The following PIK3CB variants were observed in gnomAD, a reference collection of about 807,000 sequenced individuals.
The protein encoded by PIK3CB is phosphatidylinositol-4,5-bisphosphate 3-kinase catalytic subunit beta, also known as phosphatidylinositol 4,5-bisphosphate 3-kinase catalytic subunit beta isoform.
PIK3CB carries 39 observed loss-of-function variants against 136.8 expected under a neutral mutation model. The observed-to-expected ratio is 0.29, with a 90% CI of 0.22 to 0.37. PIK3CB has a LOEUF of 0.37. Among genes scored for constraint, PIK3CB ranks in the 10% least tolerant of loss-of-function variants. The pLI is 1.00. For synonymous variants in PIK3CB, 428 were observed against 436.6 expected, an observed-to-expected ratio of 0.98 and a Z score of 0.25; for missense variants, 868 against 1,275.4, an observed-to-expected ratio of 0.68 and a Z score of 4.87.
intron 1 of PIK3CB, among the ~76,000 whole-genome samples, chr3:138,814,183 G>A (rs973887827): frequency 2.6e-4 from 40 of 152,110 alleles, no homozygotes; most frequent in Non-Finnish European, 5.6e-4. Flanking sequence ...GACAGTCATA[G>A]AAAGATTGAG....
chr3:138,806,081 C>T (rs1316909463), intron 1 of PIK3CB, among the ~76,000 whole-genome samples: 2 of 152,092 alleles, frequency 1.3e-5, no homozygotes, highest in Non-Finnish European at 2.9e-5. Flanking sequence ...TCAGAACTTC[C>T]TTAATTAGAT....
At chr3:138,761,916 G>A (rs1166291587) in intron 2 of PIK3CB, among the ~76,000 whole-genome samples, 4 of 150,178 alleles carry the variant, frequency 2.7e-5, no homozygotes, top group African/African-American at 9.8e-5. Context: ...CTCCAGCCTG[G>A]GCAACAGAGT....
rs376470274 is a variant in PIK3CB at position 138,762,987 on chromosome 3, T to A, written c.-16-3628A>T. Reference sequence around the variant, plus strand: ...AAAAAACAAAACAACAATAAAAAAATATATATATATACTTTGCTTATATTC... The same window carrying A: ...AAAAAACAAAACAACAATAAAAAAAAATATATATATACTTTGCTTATATTC... On this transcript the variant is annotated intron_variant, in intron 2 of 23. Coordinates refer to ENST00000674063, the MANE Select transcript of PIK3CB (RefSeq NM_006219.3). Among the ~76,000 whole-genome samples, 405 of 151,702 alleles carry A rather than the reference T, an allele frequency of 2.7e-3. 1 individual carries two copies. The highest frequency in any genetic ancestry group is 7.8e-3 in the African/African-American group (324 of 41,368).
At chr3:138,826,306 C>G in intron 1 of PIK3CB, 1 of 1,597,380 alleles carries the variant, frequency 6.3e-7, no homozygotes, top group Non-Finnish European at 8.5e-7. Flanking sequence ...CAAGTCTGCC[C>G]AGAAAGCTCA....
At position 138,831,512 on chromosome 3, in the gene PIK3CB, G is replaced by A. The variant is rs988895924; in HGVS notation, c.-122+3183C>T. ...GAGGCAGAAGAATTGTTTGAACCGG[G>A]GAGGCGGAGGTTGCAGTGAGCCAAG... On this transcript the variant is annotated intron_variant, in intron 1 of 23. Coordinates refer to ENST00000674063, the MANE Select transcript of PIK3CB (RefSeq NM_006219.3). 2.5e-4 allele frequency among the ~76,000 whole-genome samples: 38 copies of A among 151,934 alleles called. 1 individual carries two copies. The highest frequency in any genetic ancestry group is 7.2e-4 in the African/African-American group (30 of 41,392).
At chr3:138,808,092 C>T (rs571953851) in intron 1 of PIK3CB, among the ~76,000 whole-genome samples, 1 of 152,012 alleles carries the variant, frequency 6.6e-6, no homozygotes. Flanking sequence ...GGAAAAGATA[C>T]ATTTATTTTC....
At chr3:138,808,808 G>GT (rs1196672744) in intron 1 of PIK3CB, among the ~76,000 whole-genome samples, 2 of 150,518 alleles carry the variant, frequency 1.3e-5, no homozygotes, top group Non-Finnish European at 2.9e-5. Context: ...TAAAATATAA[G>GT]TTTTATATGT....
intron 4 of PIK3CB, among the ~76,000 whole-genome samples, chr3:138,749,487 A>G (rs1323370569): frequency 6.6e-6 from 1 of 152,116 alleles, no homozygotes; most frequent in Non-Finnish European, 1.5e-5. Context: ...TCCCCTACCT[A>G]TATTTCTTCA....
At chr3:138,692,211 C>T (rs1559818198) in intron 14 of PIK3CB, among the ~76,000 whole-genome samples, 1 of 152,262 alleles carries the variant, frequency 6.6e-6, no homozygotes, top group East Asian at 1.9e-4. Context: ...ACTTACTCTC[C>T]ACAGTATTGG....
chr3:138,700,895 C>T (rs966354597), intron 12 of PIK3CB, among the ~76,000 whole-genome samples: 2 of 152,144 alleles, frequency 1.3e-5, no homozygotes, highest in Non-Finnish European at 2.9e-5. Context: ...TGGGTGACAG[C>T]TTGATCTGAA....
intron 12 of PIK3CB, among the ~76,000 whole-genome samples, chr3:138,702,930 G>A (rs1260889520): frequency 6.6e-6 from 1 of 151,950 alleles, no homozygotes; most frequent in African/African-American, 2.4e-5. Flanking sequence ...TATCACACCA[G>A]CCTCATCAAT....
At chr3:138,833,276 G>C (rs561689879) in intron 1 of PIK3CB, among the ~76,000 whole-genome samples, 1 of 151,858 alleles carries the variant, frequency 6.6e-6, no homozygotes, top group East Asian at 2.0e-4. Context: ...CATGTTGCTT[G>C]GGCTGGTGTC....
At chr3:138,722,183 A>T (rs530163860) in intron 8 of PIK3CB, among the ~76,000 whole-genome samples, 1 of 139,850 alleles carries the variant, frequency 7.2e-6, no homozygotes, top group Admixed American at 7.1e-5. Flanking sequence ...TATTTTTTTT[A>T]AAGTCAAAAC....
intron 21 of PIK3CB, among the ~76,000 whole-genome samples, chr3:138,660,996 A>G (rs2043285804): frequency 6.6e-6 from 1 of 152,220 alleles, no homozygotes; most frequent in Non-Finnish European, 1.5e-5. Context: ...GGACTTTTCA[A>G]TGGAACCAAT....
chr3:138,747,867 T>G (rs955504784), intron 4 of PIK3CB, among the ~76,000 whole-genome samples: 1 of 152,208 alleles, frequency 6.6e-6, no homozygotes, highest in Non-Finnish European at 1.5e-5. Context: ...TGGGTTGTAC[T>G]TAATTTTTAG....
chr3:138,774,312 TG>T (rs2045833588), intron 2 of PIK3CB, among the ~76,000 whole-genome samples: 1 of 152,078 alleles, frequency 6.6e-6, no homozygotes, highest in South Asian at 2.1e-4. Flanking sequence ...TTGTAAGAGG[TG>T]GGGGTTGTTT....
chr3:138,748,897 T>C (rs999282063), intron 4 of PIK3CB, among the ~76,000 whole-genome samples: 11 of 152,218 alleles, frequency 7.2e-5, no homozygotes, highest in Non-Finnish European at 1.3e-4. Flanking sequence ...TTTGAACATA[T>C]GCATGTCAGT....
At chr3:138,678,657 A>T (rs2043699204) in intron 19 of PIK3CB, among the ~76,000 whole-genome samples, 1 of 152,132 alleles carries the variant, frequency 6.6e-6, no homozygotes, top group Non-Finnish European at 1.5e-5. Context: ...AAAATGAAAT[A>T]AAAGTTAAAA....
intron 2 of PIK3CB, among the ~76,000 whole-genome samples, chr3:138,771,369 C>T (rs1269281449): frequency 6.6e-6 from 1 of 151,934 alleles, no homozygotes; most frequent in Non-Finnish European, 1.5e-5. Flanking sequence ...ACCACAGTCG[C>T]CCGCCACCGC....
Sources: allele counts gnomAD v4.1 joint callset (sites outside exome capture counted in the v4.1 genomes callset), GRCh38; gene constraint gnomAD v4.1.1; transcripts MANE v1.5; gene names NCBI Gene and HGNC (gene_info 2026-07-23, HGNC 2026-07-21).